Variants in ZBTB7C observed in about 807,000 individuals in gnomAD.
ZBTB7C encodes zinc finger and BTB domain-containing protein 7C.
In ZBTB7C, 8 loss-of-function variants were observed where a neutral mutation model predicts 25.7. That is an observed-to-expected ratio of 0.31 (90% confidence interval 0.18 to 0.56). The LOEUF (loss-of-function observed/expected upper bound fraction) is 0.56, where lower values mean the gene tolerates loss of function less well. Among genes scored for constraint, ZBTB7C ranks in the 20% least tolerant of loss-of-function variants. The pLI, the probability that ZBTB7C is intolerant of heterozygous loss-of-function variation, is 0.91. For synonymous variants in ZBTB7C, 394 were observed against 369.0 expected, an observed-to-expected ratio of 1.07 and a Z score of -0.78; for missense variants, 824 against 855.2, an observed-to-expected ratio of 0.96 and a Z score of 0.46.
At chr18:48,260,017 C>A (rs894693035) in intron 2 of ZBTB7C, among the ~76,000 whole-genome samples, 1 of 152,114 alleles carries the variant, frequency 6.6e-6, no homozygotes, top group Non-Finnish European at 1.5e-5. Context: ...AGGTTTGTAT[C>A]CAAGAGAAAT....
At chr18:48,239,451 C>A in intron 2 of ZBTB7C, among the ~76,000 whole-genome samples, 1 of 152,138 alleles carries the variant, frequency 6.6e-6, no homozygotes, top group East Asian at 1.9e-4. Flanking sequence ...AACCAAGGAC[C>A]CTAACAAAGT....
intron 2 of ZBTB7C, among the ~76,000 whole-genome samples, chr18:48,194,548 G>A (rs773612130): frequency 2.6e-5 from 4 of 152,132 alleles, no homozygotes; most frequent in Non-Finnish European, 5.9e-5. Flanking sequence ...GGCTCCCAGG[G>A]GCAGCAGAGT....
chr18:48,326,782 C>T (rs1479002547), intron 2 of ZBTB7C, among the ~76,000 whole-genome samples: 8 of 152,116 alleles, frequency 5.3e-5, no homozygotes, highest in African/African-American at 1.9e-4. Flanking sequence ...CAAATAAACA[C>T]TATGGGGACA....
At chr18:48,103,446 A>C in intron 3 of ZBTB7C, among the ~76,000 whole-genome samples, 1 of 152,232 alleles carries the variant, frequency 6.6e-6, no homozygotes, top group Middle Eastern at 3.2e-3. Context: ...AGGGAGTTAC[A>C]CAACATGGGT....
upstream of ZBTB7C, among the ~76,000 whole-genome samples, chr18:48,410,341 A>T (rs9961076): frequency 1.3e-5 from 2 of 151,936 alleles, no homozygotes; most frequent in Non-Finnish European, 2.9e-5. Context: ...CACGCCGGGG[A>T]GCAGCCGCTG....
rs147556065 is a variant in ZBTB7C, at chr18:48,194,384, T to C, written c.-78-8389A>G. Reference sequence around the variant, plus strand: ...TGTGCATTTATGCAGAGTGGTGATATTGCGGGGGTTGTCTGAACTAAAATC... The same window carrying C: ...TGTGCATTTATGCAGAGTGGTGATACTGCGGGGGTTGTCTGAACTAAAATC... On this transcript the variant is annotated intron_variant, in intron 2 of 4. Transcript: ENST00000590800. Among the ~76,000 whole-genome samples the C allele has an allele frequency of 4.0e-3, 611 of 152,216 alleles. 5 individuals carry two copies. Among genetic ancestry groups the C allele is most frequent in the African/African-American group, 0.014 (579 of 41,520 alleles).
chr18:48,144,775 G>T (rs540795105), intron 3 of ZBTB7C, among the ~76,000 whole-genome samples: 1 of 152,130 alleles, frequency 6.6e-6, no homozygotes, highest in East Asian at 1.9e-4. Context: ...TTGAGGGATT[G>T]GGGAGTCCAT....
intron 2 of ZBTB7C, among the ~76,000 whole-genome samples, chr18:48,322,708 G>A (rs1294491359): frequency 6.6e-6 from 1 of 152,160 alleles, no homozygotes; most frequent in East Asian, 1.9e-4. Context: ...TCTACCCCGA[G>A]GAAAGTAAGT....
At chr18:48,138,357 G>A (rs982801479) in intron 3 of ZBTB7C, among the ~76,000 whole-genome samples, 3 of 152,182 alleles carry the variant, frequency 2.0e-5, no homozygotes, top group East Asian at 1.9e-4. Context: ...ATTCCTTCTC[G>A]GGGTATGCCC....
chr18:48,390,731 C>A (rs2047882018), intron 1 of ZBTB7C, among the ~76,000 whole-genome samples: 1 of 152,172 alleles, frequency 6.6e-6, no homozygotes, highest in African/African-American at 2.4e-5. Context: ...CCAGCCCCAG[C>A]GGGCCACAGT....
intron 4 of ZBTB7C, among the ~76,000 whole-genome samples, chr18:48,032,714 G>A (rs1459117500): frequency 6.6e-6 from 1 of 152,022 alleles, no homozygotes; most frequent in Non-Finnish European, 1.5e-5. Flanking sequence ...GGGATTACAG[G>A]TGTGAGCCAC....
intron 1 of ZBTB7C, among the ~76,000 whole-genome samples, chr18:48,341,268 A>G (rs1429633851): frequency 6.6e-6 from 1 of 152,176 alleles, no homozygotes; most frequent in Non-Finnish European, 1.5e-5. Flanking sequence ...ATGTGGGCAG[A>G]GGAAGGAAGG....
chr18:48,396,200 C>T (rs1359084767), intron 1 of ZBTB7C, among the ~76,000 whole-genome samples: 7 of 152,204 alleles, frequency 4.6e-5, no homozygotes, highest in Non-Finnish European at 8.8e-5. Flanking sequence ...CAGGCAAGGA[C>T]AATAACTAGG....
At chr18:48,186,192 G>A (rs1031020562) in intron 2 of ZBTB7C, among the ~76,000 whole-genome samples, 197 bp from the exon 3 acceptor site, 4 of 152,190 alleles carry the variant, frequency 2.6e-5, no homozygotes, top group Non-Finnish European at 4.4e-5. Context: ...CTCCAGGCCC[G>A]TGGGCTCGGC....
chr18:48,334,484 G>C (rs1283393551), intron 2 of ZBTB7C, among the ~76,000 whole-genome samples: 4 of 152,128 alleles, frequency 2.6e-5, no homozygotes, highest in Non-Finnish European at 4.4e-5. Flanking sequence ...AACACCCCCA[G>C]GTAGGGAACT....
intron 3 of ZBTB7C, among the ~76,000 whole-genome samples, chr18:48,080,722 T>G (rs373339891): frequency 9.2e-5 from 14 of 152,294 alleles, no homozygotes; most frequent in African/African-American, 3.4e-4. Context: ...GCTTGGCTGG[T>G]CCTGCTGGGG....
intron 1 of ZBTB7C, among the ~76,000 whole-genome samples, chr18:48,408,046 C>T (rs979756081): frequency 6.6e-6 from 1 of 152,218 alleles, no homozygotes; most frequent in Non-Finnish European, 1.5e-5. Context: ...CCTTCCCACT[C>T]CCACTCCTCT....
chr18:48,129,885 G>A (rs184209724), intron 3 of ZBTB7C, among the ~76,000 whole-genome samples: 2 of 152,330 alleles, frequency 1.3e-5, no homozygotes, highest in East Asian at 3.9e-4. Context: ...GGTCTGGAGT[G>A]TGGAGCTCAG....
At chr18:48,098,375 T>G (rs1003420996) in intron 3 of ZBTB7C, among the ~76,000 whole-genome samples, 1 of 152,198 alleles carries the variant, frequency 6.6e-6, no homozygotes, top group African/African-American at 2.4e-5. Flanking sequence ...TCAGTGCTGT[T>G]GTTTAGGATG....
Sources: allele counts gnomAD v4.1 joint callset (sites outside exome capture counted in the v4.1 genomes callset), GRCh38; gene constraint gnomAD v4.1.1; transcripts MANE v1.5; gene names NCBI Gene and HGNC (gene_info 2026-07-23, HGNC 2026-07-21).